Variants in RHBDD1 observed in about 807,000 individuals in gnomAD.
The protein encoded by RHBDD1 is rhomboid domain containing 1.
Under a neutral mutation model 36.3 loss-of-function variants are expected in RHBDD1, and 38 were observed. The observed-to-expected ratio is 1.05, with a 90% CI of 0.81 to 1.37. The LOEUF (loss-of-function observed/expected upper bound fraction) is 1.37. Among genes scored for constraint, RHBDD1 ranks in the 40% most tolerant of loss-of-function variants. RHBDD1 has a pLI of 0.00. For synonymous variants in RHBDD1, 151 were observed against 136.5 expected (o/e 1.11, Z -0.74); for missense variants, 393 against 377.6 (o/e 1.04, Z -0.34).
intron 8 of RHBDD1, among the ~76,000 whole-genome samples, chr2:226,945,751 T>C (rs553753136): frequency 5.0e-4 from 76 of 152,304 alleles, no homozygotes; most frequent in African/African-American, 1.8e-3. Flanking sequence ...CCACAATGGT[T>C]GAACTAATTT....
At chr2:226,902,930 T>C (rs1947715458) in intron 5 of RHBDD1, among the ~76,000 whole-genome samples, 1 of 152,230 alleles carries the variant, frequency 6.6e-6, no homozygotes, top group Admixed American at 6.5e-5. Context: ...TCAAGATTAA[T>C]TGTTTAATAG....
intron 3 of RHBDD1, among the ~76,000 whole-genome samples, chr2:226,856,834 CT>C (rs1246946838): frequency 6.6e-6 from 1 of 152,056 alleles, no homozygotes; most frequent in Non-Finnish European, 1.5e-5. Context: ...AGCATTTTTG[CT>C]TTGTTTGCAG....
At chr2:226,884,540 A>G (rs1363147080) in intron 5 of RHBDD1, among the ~76,000 whole-genome samples, 1 of 152,174 alleles carries the variant, frequency 6.6e-6, no homozygotes, top group South Asian at 2.1e-4. Flanking sequence ...TTTATAACAC[A>G]TGGGTCAAAT....
intron 7 of RHBDD1, among the ~76,000 whole-genome samples, chr2:226,912,750 T>G (rs978973193): frequency 6.6e-6 from 1 of 152,118 alleles, no homozygotes; most frequent in Non-Finnish European, 1.5e-5. Context: ...GATTTCTTTT[T>G]GGGGATGATG....
intron 5 of RHBDD1, among the ~76,000 whole-genome samples, chr2:226,883,001 C>T (rs1030983747): frequency 6.6e-6 from 1 of 152,214 alleles, no homozygotes; most frequent in African/African-American, 2.4e-5. Context: ...CTAACTTCAT[C>T]TAAATCTAAA....
chr2:226,861,932 A>G (rs554668737), intron 3 of RHBDD1, among the ~76,000 whole-genome samples: 98 of 152,350 alleles, frequency 6.4e-4, no homozygotes, highest in African/African-American at 2.2e-3. Context: ...TAATAACAAT[A>G]TAGAAACGGG....
chr2:226,985,026 C>T (rs1344458155), intron 8 of RHBDD1, among the ~76,000 whole-genome samples: 5 of 152,208 alleles, frequency 3.3e-5, no homozygotes, highest in Middle Eastern at 3.4e-3. Flanking sequence ...ACCAGTACCA[C>T]CTGATTAGGC....
At chr2:226,872,671 G>T (rs935751127) in intron 5 of RHBDD1, among the ~76,000 whole-genome samples, 16 of 152,110 alleles carry the variant, frequency 1.1e-4, no homozygotes, top group Admixed American at 9.2e-4. Context: ...CAAAGTGCAG[G>T]TTTTAGTTTT....
chr2:226,971,688 C>CA (rs1207590448), intron 8 of RHBDD1, among the ~76,000 whole-genome samples: 1 of 152,150 alleles, frequency 6.6e-6, no homozygotes, highest in Non-Finnish European at 1.5e-5. Context: ...TTGACAAAAT[C>CA]AGAGAGGTGT....
At chr2:226,887,107 T>A (rs913829640) in intron 5 of RHBDD1, among the ~76,000 whole-genome samples, 5 of 152,154 alleles carry the variant, frequency 3.3e-5, no homozygotes, top group African/African-American at 1.2e-4. Flanking sequence ...AGGTCCACTT[T>A]GAGGATGATG....
At chr2:226,886,745 A>G (rs997726179) in intron 5 of RHBDD1, among the ~76,000 whole-genome samples, 1 of 152,166 alleles carries the variant, frequency 6.6e-6, no homozygotes, top group Non-Finnish European at 1.5e-5. Flanking sequence ...GAATTTTTTT[A>G]AAAAAAGATT....
At chr2:226,920,677 A>G (rs1268177691) in intron 8 of RHBDD1, among the ~76,000 whole-genome samples, 3 of 152,138 alleles carry the variant, frequency 2.0e-5, no homozygotes, top group South Asian at 4.1e-4. Context: ...ATAGTGTACC[A>G]CATTGATTGA....
chr2:226,914,458 G>A, intron 8 of RHBDD1, 107 bp downstream of exon 8: 3 of 1,286,172 alleles, frequency 2.3e-6, no homozygotes, highest in African/African-American at 1.5e-5. Flanking sequence ...TTCAGAAAAA[G>A]GATATGTAGA....
At chr2:226,967,388 T>TTTA (rs1269517856) in intron 8 of RHBDD1, among the ~76,000 whole-genome samples, 5 of 152,090 alleles carry the variant, frequency 3.3e-5, no homozygotes, top group Admixed American at 3.3e-4. Flanking sequence ...TTTTCTTTAT[T>TTTA]TTATTATTAT....
Position 226,883,715 on chromosome 2 carries a change from G to A in RHBDD1, c.566+16397G>A, listed in dbSNP as rs558312114. 3.3e-5 allele frequency among the ~76,000 whole-genome samples: 5 copies of A among 152,256 alleles called. No homozygotes were observed. In the South Asian group the frequency reaches 1.0e-3, roughly 32 times the overall value. On this transcript the variant is annotated intron_variant, in intron 5 of 8. Transcript: ENST00000392062. Reference sequence around the variant, plus strand: ...GCGAGACTTGAGTACTATGTTGGATGTCCCAGATAATGATGAGTGGAGGTT... The same window carrying A: ...GCGAGACTTGAGTACTATGTTGGATATCCCAGATAATGATGAGTGGAGGTT...
At chr2:226,817,199 G>A in the RHBDD1 span, among the ~76,000 whole-genome samples, 1 of 152,198 alleles carries the variant, frequency 6.6e-6, no homozygotes, top group South Asian at 2.1e-4. Context: ...AGCAGGCAAG[G>A]TCAGAAGTTA....
chr2:226,857,978 TC>T (rs1457761855), intron 3 of RHBDD1, among the ~76,000 whole-genome samples: 1 of 152,206 alleles, frequency 6.6e-6, no homozygotes, highest in Non-Finnish European at 1.5e-5. Flanking sequence ...TACCTAGTGT[TC>T]CATTATTGGA....
intron 3 of RHBDD1, among the ~76,000 whole-genome samples, chr2:226,842,076 A>G (rs1431472578): frequency 2.6e-5 from 4 of 151,984 alleles, no homozygotes; most frequent in African/African-American, 9.7e-5. Context: ...CATATGTTTC[A>G]TGGCTGCATG....
At chr2:226,949,613 A>G (rs1288438460) in intron 8 of RHBDD1, among the ~76,000 whole-genome samples, 1 of 152,196 alleles carries the variant, frequency 6.6e-6, no homozygotes, top group Non-Finnish European at 1.5e-5. Flanking sequence ...TGATATTTGT[A>G]TTAATAATTT....
Sources: allele counts gnomAD v4.1 joint callset (sites outside exome capture counted in the v4.1 genomes callset), GRCh38; gene constraint gnomAD v4.1.1; transcripts MANE v1.5; gene names NCBI Gene and HGNC (gene_info 2026-07-23, HGNC 2026-07-21).